Variants in CTDP1 observed in about 807,000 individuals in gnomAD.
CTDP1 encodes CTD phosphatase 1, also known as RNA polymerase II subunit A C-terminal domain phosphatase.
In CTDP1, 47 loss-of-function variants were observed where a neutral mutation model predicts 91.8. The ratio of observed to expected loss-of-function variants is 0.51; its 90% confidence interval spans 0.41 to 0.65. CTDP1 has a LOEUF of 0.65. CTDP1 is among the 30% of genes least tolerant of loss of function. CTDP1 has a pLI of 0.00. For missense variants in CTDP1, 1,272 were observed against 1,373.7 expected (o/e 0.93, Z 1.17); for synonymous variants, 656 against 598.5 (o/e 1.10, Z -1.40).
chr18:79,677,258 A>C (rs2085266659), upstream of CTDP1: 1 of 152,254 alleles, frequency 6.6e-6, no homozygotes, highest in Admixed American at 6.5e-5. Context: ...CGCTGTTGGT[A>C]GTGTTCAAAG....
chr18:79,699,780 G>A (rs1211963227), intron 4 of CTDP1, among the ~76,000 whole-genome samples: 2 of 152,134 alleles, frequency 1.3e-5, no homozygotes, highest in Non-Finnish European at 1.5e-5. Context: ...AGGAGGCTCG[G>A]AGCAACCTGG....
intron 10 of CTDP1, among the ~76,000 whole-genome samples, chr18:79,725,523 ATTT>A (rs373692705): frequency 3.4e-5 from 5 of 145,768 alleles, no homozygotes; most frequent in African/African-American, 1.3e-4. Flanking sequence ...TACCTTCTCT[ATTT>A]TTTTTTTGTT....
intron 12 of CTDP1, among the ~76,000 whole-genome samples, chr18:79,748,289 T>TAC (rs1234921169): frequency 2.6e-5 from 4 of 152,234 alleles, no homozygotes; most frequent in Non-Finnish European, 5.9e-5. Context: ...GCAAAGGTTT[T>TAC]GTGCCACCTT....
intron 2 of CTDP1, 117 bp from the exon 3 acceptor site, chr18:79,695,860 T>C (rs1377864649): frequency 1.2e-6 from 1 of 835,772 alleles, no homozygotes; most frequent in African/African-American, 1.7e-5. Context: ...AAGTCTGTGC[T>C]AAGATAGCAG....
At chr18:79,739,595 T>C (rs1461430508) in intron 12 of CTDP1, among the ~76,000 whole-genome samples, 2 of 152,042 alleles carry the variant, frequency 1.3e-5, no homozygotes, top group Non-Finnish European at 1.5e-5. Context: ...AGGAGGTGGT[T>C]GGGGTTCTGC....
chr18:79,679,513 A>C (rs1308951482), upstream of CTDP1: 1 of 457,272 alleles, frequency 2.2e-6, no homozygotes, highest in Admixed American at 2.4e-5. Flanking sequence ...GAACGCTGGG[A>C]CTCGTAGTCC....
rs149100417 is a variant in CTDP1, at chr18:79,724,189, G to A, written c.2418-4718G>A. 7.8e-3 allele frequency among the ~76,000 whole-genome samples: 1,193 copies of A among 152,306 alleles called. 11 individuals are homozygous for A. The highest frequency in any genetic ancestry group is 0.011 in the Non-Finnish European group (759 of 68,032). On this transcript the variant is annotated intron_variant, in intron 10 of 12. Transcript: ENST00000613122. ...CAGAGCATTCGGATTTGGGGTCACC[G>A]GTTGCAGATGCTCAGCCCGTAAGTG...
intron 5 of CTDP1, among the ~76,000 whole-genome samples, chr18:79,707,433 C>T (rs114931688): frequency 7.7e-4 from 117 of 152,350 alleles, no homozygotes; most frequent in African/African-American, 2.6e-3. Context: ...TGCTGGTGGG[C>T]GCTTGGCTGC....
intron 1 of CTDP1, among the ~76,000 whole-genome samples, chr18:79,680,660 T>C (rs1258190336): frequency 2.0e-5 from 3 of 152,258 alleles, no homozygotes; most frequent in Non-Finnish European, 4.4e-5. Context: ...GTTGGGTGTG[T>C]GCACATCTTT....
chr18:79,702,299 C>T (rs73009315), intron 4 of CTDP1, among the ~76,000 whole-genome samples: 18,981 of 152,166 alleles, frequency 0.12, 1,549 homozygotes, highest in Non-Finnish European at 0.19. Flanking sequence ...GACCCTGCGC[C>T]GACAGAAAGA....
intron 12 of CTDP1, among the ~76,000 whole-genome samples, chr18:79,739,091 G>A (rs565852956): frequency 1.2e-3 from 184 of 152,324 alleles, no homozygotes; most frequent in East Asian, 6.9e-3. Flanking sequence ...CTAGCCCGGG[G>A]CTGAGCTGAG....
intron 12 of CTDP1, among the ~76,000 whole-genome samples, chr18:79,743,198 GT>G (rs1468541669): frequency 1.3e-5 from 2 of 152,138 alleles, no homozygotes; most frequent in Non-Finnish European, 1.5e-5. Flanking sequence ...ACGATGCATT[GT>G]TGGGTTTGTA....
intron 1 of CTDP1, among the ~76,000 whole-genome samples, chr18:79,684,740 G>A (rs564619332): frequency 1.3e-5 from 2 of 152,376 alleles, no homozygotes; most frequent in African/African-American, 4.8e-5. Context: ...TAAAAACACT[G>A]CATTTGGGTG....
At chr18:79,701,529 TTAAATAAATAAA>T (rs146187493) in intron 4 of CTDP1, among the ~76,000 whole-genome samples, 10,273 of 143,346 alleles carry the variant, frequency 0.072, 482 homozygotes, top group South Asian at 0.17. Context: ...AATAAATAAA[TTAAATAAATAAA>T]TAAATAAATA....
At chr18:79,728,103 G>A (rs1309789845) in intron 10 of CTDP1, among the ~76,000 whole-genome samples, 3 of 151,942 alleles carry the variant, frequency 2.0e-5, no homozygotes, top group South Asian at 2.1e-4. Flanking sequence ...CTGTTTTTTC[G>A]TGAATTTTTT....
At chr18:79,691,236 G>A (rs531478181) in intron 1 of CTDP1, among the ~76,000 whole-genome samples, 2 of 152,200 alleles carry the variant, frequency 1.3e-5, no homozygotes, top group African/African-American at 4.8e-5. Flanking sequence ...GTGCGCACCC[G>A]ACTCAGCTTA....
chr18:79,750,510 C>T (rs2086974185), intron 12 of CTDP1, among the ~76,000 whole-genome samples: 7 of 150,402 alleles, frequency 4.7e-5, no homozygotes, highest in Admixed American at 4.6e-4. Context: ...TTTTTCCCCC[C>T]CGAGACAGAG....
intron 12 of CTDP1, among the ~76,000 whole-genome samples, chr18:79,748,801 ACTGCCTGGGAGCCGTGT>A (rs576712112): frequency 3.0e-4 from 46 of 151,752 alleles, no homozygotes; most frequent in South Asian, 2.1e-4. Context: ...GTGAGCCGTG[ACTGCCTGGGAGCCGTGT>A]CTGCCTGGGA....
chr18:79,721,412 C>A (rs190357409), intron 10 of CTDP1, among the ~76,000 whole-genome samples: 43 of 152,148 alleles, frequency 2.8e-4, no homozygotes, highest in Admixed American at 2.3e-3. Context: ...GGAGACCCCC[C>A]GTCTAGGAAG....
Sources: allele counts gnomAD v4.1 joint callset (sites outside exome capture counted in the v4.1 genomes callset), GRCh38; gene constraint gnomAD v4.1.1; transcripts MANE v1.5; gene names NCBI Gene and HGNC (gene_info 2026-07-23, HGNC 2026-07-21).